FHIP1A: variants seen among roughly 807,000 people sequenced by gnomAD.
The protein encoded by FHIP1A is FHF complex subunit HOOK interacting protein 1A, also known as FHF complex subunit HOOK-interacting protein 1A.
Under a neutral mutation model 88.6 loss-of-function variants are expected in FHIP1A, and 61 were observed. The ratio of observed to expected loss-of-function variants is 0.69; its 90% CI spans 0.56 to 0.85. The LOEUF (loss-of-function observed/expected upper bound fraction) is 0.85, where lower values mean the gene tolerates loss of function less well. Among genes scored for constraint, FHIP1A ranks in the 40% least tolerant of loss-of-function variants. The pLI is 0.00. For missense variants in FHIP1A, 1,154 were observed against 1,273.5 expected (o/e 0.91, Z 1.43); for synonymous variants, 478 against 496.0 (o/e 0.96, Z 0.48).
At chr4:151,594,945 T>C (rs935633236) in intron 7 of FHIP1A, among the ~76,000 whole-genome samples, 1 of 152,336 alleles carries the variant, frequency 6.6e-6, no homozygotes, top group African/African-American at 2.4e-5. Flanking sequence ...GCTAGCAGTC[T>C]ATCTATTTTG....
chr4:151,537,470 T>A (rs577371682), intron 3 of FHIP1A, among the ~76,000 whole-genome samples: 1 of 152,202 alleles, frequency 6.6e-6, no homozygotes, highest in Non-Finnish European at 1.5e-5. Flanking sequence ...ACTGTTGAGT[T>A]TTGAGAGTTT....
intron 3 of FHIP1A, among the ~76,000 whole-genome samples, chr4:151,490,141 C>A (rs1300165747): frequency 6.6e-6 from 1 of 152,200 alleles, no homozygotes; most frequent in African/African-American, 2.4e-5. Context: ...AACACCCTGG[C>A]TAACCAGAGG....
In FHIP1A at chr4:151,650,610, C is replaced by A; in HGVS notation, c.2551+18C>A. 6.5e-7 allele frequency: 1 copy of A among 1,530,836 alleles called. No individual in the cohort carries two copies. The highest frequency in any genetic ancestry group is 8.8e-7 in the Non-Finnish European group (1 of 1,137,430). The allele number at this position is 1,530,836 out of a possible 1,614,324, so 94.8% of individuals were successfully genotyped here. On this transcript the variant is annotated intron_variant, in intron 11 of 13. Coordinates refer to ENST00000435205, the MANE Select transcript of FHIP1A (RefSeq NM_001109977.3). ...ATTCACAGGTGACCATCTTAAATTG[C>A]TTTGTGGTTTCTGCTTTCGAAAGTA... is the stretch of plus-strand genomic sequence containing the variant.
intron 5 of FHIP1A, among the ~76,000 whole-genome samples, chr4:151,583,624 CT>C (rs1734103804): frequency 6.6e-6 from 1 of 152,188 alleles, no homozygotes; most frequent in Non-Finnish European, 1.5e-5. Flanking sequence ...TTAAGCCTGT[CT>C]TTATGAATTC....
At chr4:151,521,973 A>C (rs933542640) in intron 3 of FHIP1A, among the ~76,000 whole-genome samples, 10 of 152,050 alleles carry the variant, frequency 6.6e-5, no homozygotes, top group African/African-American at 2.4e-4. Context: ...TGACCCTCCC[A>C]CTTCGACCTC....
At chr4:151,616,294 T>C (rs1560801502) in intron 7 of FHIP1A, among the ~76,000 whole-genome samples, 1 of 152,130 alleles carries the variant, frequency 6.6e-6, no homozygotes, top group Non-Finnish European at 1.5e-5. Context: ...ACCATCTTTA[T>C]TACCAGTAAA....
intron 10 of FHIP1A, among the ~76,000 whole-genome samples, chr4:151,647,825 G>A (rs898822656): frequency 5.9e-5 from 9 of 152,142 alleles, no homozygotes; most frequent in Admixed American, 5.9e-4. Flanking sequence ...CCTTGCCTCA[G>A]AATTCAAAAT....
chr4:151,630,053 C>A (rs1410385057), intron 8 of FHIP1A, among the ~76,000 whole-genome samples, 184 bp downstream of exon 8: 1 of 151,732 alleles, frequency 6.6e-6, no homozygotes, highest in African/African-American at 2.4e-5. Flanking sequence ...TGGAATAATG[C>A]GTTTTGTTCT....
intron 3 of FHIP1A, among the ~76,000 whole-genome samples, chr4:151,483,640 G>T (rs1322779716): frequency 7.2e-5 from 11 of 152,070 alleles, no homozygotes; most frequent in Admixed American, 5.9e-4. Flanking sequence ...TTTGTTAAAG[G>T]ATCCAAAATT....
At chr4:151,643,595 C>T (rs538858402) in intron 9 of FHIP1A, among the ~76,000 whole-genome samples, 42 of 152,212 alleles carry the variant, frequency 2.8e-4, no homozygotes, top group South Asian at 1.5e-3. Context: ...ACTTCTTCCC[C>T]CTTCCCTTCC....
intron 11 of FHIP1A, among the ~76,000 whole-genome samples, chr4:151,654,480 T>G (rs1235688825): frequency 6.6e-6 from 1 of 152,068 alleles, no homozygotes. Context: ...CATTTTATGG[T>G]CATATGTTTT....
intron 4 of FHIP1A, among the ~76,000 whole-genome samples, chr4:151,574,061 C>T (rs896751402): frequency 6.6e-6 from 1 of 152,162 alleles, no homozygotes; most frequent in African/African-American, 2.4e-5. Context: ...AAAAGCAGGT[C>T]ATGGGTGTGT....
chr4:151,646,806 G>C (rs1736815313), intron 10 of FHIP1A, 58 bp downstream of exon 10: 1 of 1,207,340 alleles, frequency 8.3e-7, no homozygotes, highest in African/African-American at 1.5e-5. Flanking sequence ...ATCTCGCCTT[G>C]GGATATGTGT....
intron 3 of FHIP1A, among the ~76,000 whole-genome samples, chr4:151,523,165 G>A (rs34751451): frequency 6.6e-6 from 1 of 152,164 alleles, no homozygotes; most frequent in Non-Finnish European, 1.5e-5. Flanking sequence ...CTGTGGTTGA[G>A]GCGGTTGCAG....
At chr4:151,652,423 T>TC (rs1444437711) in intron 11 of FHIP1A, among the ~76,000 whole-genome samples, 1 of 152,234 alleles carries the variant, frequency 6.6e-6, no homozygotes, top group Non-Finnish European at 1.5e-5. Flanking sequence ...CCAGGGCATC[T>TC]GATTTCTACT....
At chr4:151,533,402 G>A (rs968976348) in intron 3 of FHIP1A, among the ~76,000 whole-genome samples, 2 of 147,304 alleles carry the variant, frequency 1.4e-5, no homozygotes, top group African/African-American at 2.6e-5. Flanking sequence ...GAAACAGATC[G>A]AGGCCCTGTC....
chr4:151,420,811 G>A (rs1733101025), intron 1 of FHIP1A, among the ~76,000 whole-genome samples: 1 of 152,228 alleles, frequency 6.6e-6, no homozygotes, highest in Admixed American at 6.5e-5. Context: ...GGGAAGGAAA[G>A]GCAAATGAGG....
At chr4:151,411,341 A>G (rs947866004) in intron 1 of FHIP1A, among the ~76,000 whole-genome samples, 5 of 34,994 alleles carry the variant, frequency 1.4e-4, no homozygotes, top group African/African-American at 3.0e-4. Context: ...GAGTGAAATT[A>G]TATATATATT....
chr4:151,600,777 G>A (rs1233942319), intron 7 of FHIP1A, among the ~76,000 whole-genome samples: 2 of 152,106 alleles, frequency 1.3e-5, no homozygotes, highest in East Asian at 3.9e-4. Context: ...CATCTTCACA[G>A]CATGGCAGCC....
Sources: allele counts gnomAD v4.1 joint callset (sites outside exome capture counted in the v4.1 genomes callset), GRCh38; gene constraint gnomAD v4.1.1; transcripts MANE v1.5; gene names NCBI Gene and HGNC (gene_info 2026-07-23, HGNC 2026-07-21).